The following CASZ1 variants were observed in gnomAD, a reference collection of about 807,000 sequenced individuals.
The protein encoded by CASZ1 is castor zinc finger 1.
Under a neutral mutation model 135.2 loss-of-function variants are expected in CASZ1, and 28 were observed. The observed-to-expected ratio is 0.21, with a 90% CI of 0.15 to 0.28. The LOEUF is 0.28. CASZ1 is among the 10% of genes least tolerant of loss of function. The pLI, the probability that CASZ1 is intolerant of heterozygous loss-of-function variation, is 1.00. For missense variants in CASZ1, 2,161 were observed against 2,453.3 expected, an observed-to-expected ratio of 0.88 and a Z score of 2.52; for synonymous variants, 1,068 against 1,073.4, an observed-to-expected ratio of 0.99 and a Z score of 0.10.
intron 4 of CASZ1, among the ~76,000 whole-genome samples, chr1:10,681,772 T>C (rs1233325137): frequency 6.6e-6 from 1 of 152,188 alleles, no homozygotes; most frequent in Non-Finnish European, 1.5e-5. Flanking sequence ...GCTTCTGGAC[T>C]GACCCCCTCG....
In CASZ1 at chr1:10,659,130, G is replaced by C. The variant is rs184019964; in HGVS notation, c.1341-554C>G. 2.0e-5 allele frequency among the ~76,000 whole-genome samples: 3 copies of C among 152,284 alleles called. No homozygotes were observed. The East Asian group carries it at 5.8e-4, about 29-fold the overall frequency. ...CTGCCCATGGGTTCAGGCTGTAAGG[G>C]TGTATGCACCTAACCCCGGTCACTA... On this transcript the variant is annotated intron_variant, in intron 6 of 20. Coordinates refer to ENST00000377022, the MANE Select transcript of CASZ1 (RefSeq NM_001079843.3).
At position 10,709,668 on chromosome 1, in the gene CASZ1, G is replaced by T. The variant is rs1010160284; in HGVS notation, c.-76-4124C>A. Among the ~76,000 whole-genome samples, 1 of 152,126 alleles carries T rather than the reference G, an allele frequency of 6.6e-6. No homozygotes were observed. The highest frequency in any genetic ancestry group is 1.5e-5 in the Non-Finnish European group (1 of 68,012). Reference sequence around the variant, plus strand: ...AGAGAAAGAGAGGAGAAAAGAAAGCGAATCAAAGTGCTGCCCGGAGGACGG... The same window carrying T: ...AGAGAAAGAGAGGAGAAAAGAAAGCTAATCAAAGTGCTGCCCGGAGGACGG... On this transcript the variant is annotated intron_variant, in intron 2 of 20. Transcript: ENST00000377022. This position sits in a 1 kb window ranked among gnomAD's most constrained non-coding sequence, Gnocchi z 5.1.
intron 5 of CASZ1, chr1:10,660,833 A>C: frequency 1.9e-5 from 8 of 425,872 alleles, no homozygotes; most frequent in East Asian, 4.5e-5. Flanking sequence ...AGTTTCATAA[A>C]TGTCTCCGCT....
At chr1:10,793,671 A>G (rs1208192742) in intron 1 of CASZ1, among the ~76,000 whole-genome samples, 1 of 150,662 alleles carries the variant, frequency 6.6e-6, no homozygotes, top group African/African-American at 2.5e-5. Context: ...AATATTCCCC[A>G]TAAACTCTCC....
intron 1 of CASZ1, among the ~76,000 whole-genome samples, chr1:10,764,600 G>A (rs1461220675): frequency 6.6e-6 from 1 of 152,224 alleles, no homozygotes; most frequent in Non-Finnish European, 1.5e-5. Context: ...CCATGTACAG[G>A]TGCCAAAGCC....
rs570244621 is a variant in CASZ1, at chr1:10,732,520, A to G, written c.-76-26976T>C. ...TTCAGCTGCGATGATTCTCTGGCCC[A>G]CAGCTGGCCTTAGAGGTGGTGTGGG... On this transcript the variant is annotated intron_variant, in intron 2 of 20. Coordinates refer to ENST00000377022, the MANE Select transcript of CASZ1 (RefSeq NM_001079843.3). Among the ~76,000 whole-genome samples the G allele has an allele frequency of 1.3e-3, 202 of 152,266 alleles. 1 individual carries two copies. The highest frequency in any genetic ancestry group is 6.8e-3 in the Middle Eastern group (2 of 294).
At chr1:10,640,620 C>T (rs990677710) in intron 20 of CASZ1, among the ~76,000 whole-genome samples, 5 of 152,188 alleles carry the variant, frequency 3.3e-5, no homozygotes, top group African/African-American at 9.7e-5. Flanking sequence ...CTAAGGAGCA[C>T]CTTGTCCTTG....
chr1:10,646,860 C>T lies in CASZ1; in HGVS notation c.3498-534G>A, dbSNP rs1642377042. On this transcript the variant is annotated intron_variant, in intron 16 of 20. Transcript: ENST00000377022. This position sits in a 1 kb window ranked among gnomAD's most constrained non-coding sequence, Gnocchi z 6.4. ...TCACAGCTGCTGGGCTCCCCAGGAT[C>T]AACTCGGGGCCCATGGTGCCCACCC... Among the ~76,000 whole-genome samples the T allele has an allele frequency of 6.6e-6, 1 of 152,206 alleles. No individual in the cohort carries two copies. The highest frequency in any genetic ancestry group is 2.4e-5 in the African/African-American group (1 of 41,442).
intron 11 of CASZ1, chr1:10,651,969 C>T (rs990758965): frequency 2.6e-5 from 4 of 152,246 alleles, no homozygotes; most frequent in African/African-American, 7.2e-5. Context: ...CCATCAGGCA[C>T]CTGGCTGGAA....
chr1:10,691,372 G>A lies in CASZ1; in HGVS notation c.16+2502C>T, dbSNP rs138289723. 4.0e-3 allele frequency among the ~76,000 whole-genome samples: 612 copies of A among 152,270 alleles called. 4 individuals are homozygous for A. Among genetic ancestry groups the A allele is most frequent in the African/African-American group, 0.014 (579 of 41,550 alleles). On this transcript the variant is annotated intron_variant, in intron 4 of 20. Coordinates refer to ENST00000377022, the MANE Select transcript of CASZ1 (RefSeq NM_001079843.3). ...CCACATGGCCCCTGAGGGTCCTGAG[G>A]TCCTTCTGTCCCCTCCTGAGAAGGC...
Position 10,788,294 on chromosome 1 carries a change from G to T in CASZ1, c.-234+8270C>A, listed in dbSNP as rs558774485. The stretch of plus-strand genomic sequence containing the variant: ...CCCGATCCACCTATGGGGTCCCCTG[G>T]GTGACAGTTTGACAGCACTCTCCTC... On this transcript the variant is annotated intron_variant, in intron 1 of 20. Transcript: ENST00000377022. This position sits in a 1 kb window ranked among gnomAD's most constrained non-coding sequence, Gnocchi z 4.1. 1.3e-5 allele frequency among the ~76,000 whole-genome samples: 2 copies of T among 152,222 alleles called. No homozygotes were observed. The highest frequency in any genetic ancestry group is 3.9e-4 in the East Asian group (2 of 5,164).
intron 2 of CASZ1, among the ~76,000 whole-genome samples, chr1:10,745,728 A>G (rs77684322): frequency 0.014 from 2,061 of 152,316 alleles, 46 homozygotes; most frequent in African/African-American, 0.042. Context: ...CCTCTAAGCC[A>G]AGAGATATCA....
At chr1:10,733,085 A>C (rs939754430) in intron 2 of CASZ1, among the ~76,000 whole-genome samples, 2 of 152,202 alleles carry the variant, frequency 1.3e-5, no homozygotes, top group South Asian at 2.1e-4. Flanking sequence ...GGGAAACTTC[A>C]AAATCATCAC....
At chr1:10,740,477 T>C (rs969882622) in intron 2 of CASZ1, among the ~76,000 whole-genome samples, 7 of 151,742 alleles carry the variant, frequency 4.6e-5, no homozygotes, top group Non-Finnish European at 8.8e-5. Flanking sequence ...GGGCTGAGGG[T>C]CCCCCCAAGC....
chr1:10,674,129 C>T (rs1274323430), intron 4 of CASZ1, among the ~76,000 whole-genome samples: 1 of 152,240 alleles, frequency 6.6e-6, no homozygotes, highest in Non-Finnish European at 1.5e-5. Context: ...ATGCCCTCCC[C>T]AGGTGCCCCT....
rs572824153 is a variant in CASZ1, at chr1:10,700,080, G to GACACACACACACACACACACACACACAC, written c.-24+5384_-24+5411dup. Among the ~76,000 whole-genome samples the GACACACACACACACACACACACACACAC allele has an allele frequency of 5.2e-3, 700 of 134,008 alleles. 14 individuals are homozygous for GACACACACACACACACACACACACACAC. Among genetic ancestry groups the GACACACACACACACACACACACACACAC allele is most frequent in the African/African-American group, 0.01 (366 of 35,256 alleles). 87.9% of individuals were successfully genotyped at this position (134,008 alleles called of 152,430 possible). A position where few individuals can be genotyped will look rare whatever the true frequency, so the allele number is the denominator to read the frequency against. The stretch of plus-strand genomic sequence containing the variant: ...AGACAGAGAGAGAAAGAGAGATAGA[G>GACACACACACACACACACACACACACAC]ACACACACACACACACACACACACA... On this transcript the variant is annotated intron_variant, in intron 3 of 20. Coordinates refer to ENST00000377022, the MANE Select transcript of CASZ1 (RefSeq NM_001079843.3). The surrounding 1 kb of genome is among the most constrained non-coding windows in gnomAD (Gnocchi z 4.2).
At chr1:10,754,325 C>T (rs941524580) in intron 2 of CASZ1, among the ~76,000 whole-genome samples, 1 of 152,204 alleles carries the variant, frequency 6.6e-6, no homozygotes, top group South Asian at 2.1e-4. Context: ...CGAATGTAAA[C>T]CTCATGAGGG....
In CASZ1 at chr1:10,726,864, G is replaced by A. The variant is rs143937437; in HGVS notation, c.-76-21320C>T. Among the ~76,000 whole-genome samples the A allele has an allele frequency of 9.9e-5, 15 of 152,192 alleles. No homozygotes were observed. The East Asian group carries it at 2.3e-3, about 24-fold the overall frequency. ...CAGGGGGTCTTCCCTGGCCTGCTCC[G>A]TGTCCTGGGGGAAATGGTTCAGGGA... On this transcript the variant is annotated intron_variant, in intron 2 of 20. Transcript: ENST00000377022. This position sits in a 1 kb window ranked among gnomAD's most constrained non-coding sequence, Gnocchi z 5.7.
chr1:10,641,017 G>A (rs1024855265), intron 20 of CASZ1, among the ~76,000 whole-genome samples: 3 of 152,338 alleles, frequency 2.0e-5, no homozygotes, highest in Non-Finnish European at 2.9e-5. Context: ...CCACCAGAGC[G>A]TGGGTAGCCT....
Sources: gnomAD v4.1 joint callset for allele counts (sites outside exome capture counted in the v4.1 genomes callset) on GRCh38, gnomAD v4.1.1 for gene constraint, Gnocchi (gnomAD v3.1) non-coding constraint, MANE v1.5 for transcripts, NCBI Gene and HGNC (gene_info 2026-07-23, HGNC 2026-07-21) for gene names.